The following LARP1 variants were observed in gnomAD, a reference collection of about 807,000 sequenced individuals.
LARP1 encodes La ribonucleoprotein 1, translational regulator.
LARP1 carries 36 observed loss-of-function variants against 122.7 expected under a neutral mutation model. The ratio of observed to expected loss-of-function variants is 0.29; its 90% confidence interval spans 0.22 to 0.39. The LOEUF (loss-of-function observed/expected upper bound fraction) is 0.39, where lower values mean the gene tolerates loss of function less well. Ranked by LOEUF, LARP1 falls within the 10% of genes least tolerant of loss-of-function variation. The pLI is 1.00. For missense variants in LARP1, 1,040 were observed against 1,403.6 expected (o/e 0.74, Z 4.14); for synonymous variants, 539 against 528.7 (o/e 1.02, Z -0.27).
intron 1 of LARP1, among the ~76,000 whole-genome samples, chr5:154,774,882 G>A (rs1187856369): frequency 1.3e-5 from 2 of 152,192 alleles, no homozygotes; most frequent in East Asian, 1.9e-4. Flanking sequence ...CACCAGGGGG[G>A]ATCACAGTGC....
intron 10 of LARP1, 65 bp downstream of exon 10, chr5:154,800,107 ACACATGGG>A: frequency 7.0e-7 from 1 of 1,422,128 alleles, no homozygotes; most frequent in South Asian, 1.3e-5. Flanking sequence ...GAAGGGGATA[ACACATGGG>A]CACAGCACTC....
chr5:154,733,666 T>C (rs191106920), intron 1 of LARP1, among the ~76,000 whole-genome samples: 6 of 151,858 alleles, frequency 4.0e-5, no homozygotes, highest in African/African-American at 7.3e-5. Flanking sequence ...AGGTTCAAGC[T>C]ATTCTCCTGC....
At position 154,775,294 on chromosome 5, in the gene LARP1, C is replaced by T. The variant is rs78864140; in HGVS notation, c.437-15031C>T. Among the ~76,000 whole-genome samples the T allele has an allele frequency of 6.3e-3, 962 of 152,030 alleles. 9 individuals are homozygous for T. The highest frequency in any genetic ancestry group is 0.022 in the African/African-American group (898 of 41,450). ...CAGCCTGGGTAACAGAGTGAGACCT[C>T]GTATCTAAAAAACGTAAGTGAATAA... On this transcript the variant is annotated intron_variant, in intron 1 of 18. Transcript: ENST00000518297.
Position 154,811,595 on chromosome 5 carries a change from A to G in LARP1, c.3036A>G (p.Gln1012=). The G allele has an allele frequency of 6.2e-7, 1 of 1,614,268 alleles. No individual in the cohort carries two copies. Among genetic ancestry groups the G allele is most frequent in the African/African-American group, 1.3e-5 (1 of 75,078 alleles). Residue 1012 remains glutamine, a synonymous_variant, in exon 18 of 19, where the codon CAA becomes CAG. Coordinates refer to ENST00000518297, the MANE Select transcript of LARP1 (RefSeq NM_033551.3). ...ATTTGGACATTGACCCCAAACTGCAAGAATACCTCGGCAAATTCCGACGTC... is the reference window on the plus strand; with the variant it reads ...ATTTGGACATTGACCCCAAACTGCAGGAATACCTCGGCAAATTCCGACGTC... ...AKNLDIDPKL[Q]EYLGKFRRLE...
intron 1 of LARP1, among the ~76,000 whole-genome samples, chr5:154,700,655 G>A (rs375571348): frequency 1.2e-4 from 19 of 152,020 alleles, no homozygotes; most frequent in East Asian, 7.8e-4. Flanking sequence ...ACAGGGTCTC[G>A]CTCTATCACC....
chr5:154,684,254 G>C (rs1281582235), intron 1 of LARP1, among the ~76,000 whole-genome samples: 1 of 152,004 alleles, frequency 6.6e-6, no homozygotes, highest in African/African-American at 2.4e-5. Context: ...GACCAGCCTG[G>C]GCAACATGGT....
At chr5:154,727,697 T>C (rs1219373015) in intron 1 of LARP1, among the ~76,000 whole-genome samples, 3 of 152,222 alleles carry the variant, frequency 2.0e-5, no homozygotes, top group African/African-American at 7.2e-5. Context: ...TTAGCAAGAT[T>C]TAATTATTCC....
chr5:154,712,747 G>T (rs1325223774), upstream of LARP1, among the ~76,000 whole-genome samples: 1 of 152,108 alleles, frequency 6.6e-6, no homozygotes, highest in Admixed American at 6.5e-5. Context: ...GTAAAGAGGT[G>T]GGGTAGCCTT....
intron 1 of LARP1, among the ~76,000 whole-genome samples, chr5:154,781,405 A>G (rs922631143): frequency 6.6e-6 from 1 of 152,168 alleles, no homozygotes; most frequent in Non-Finnish European, 1.5e-5. Flanking sequence ...ATCCTGGCTA[A>G]TATGGTGAAA....
chr5:154,781,183 G>T (rs918052148), intron 1 of LARP1, among the ~76,000 whole-genome samples: 8 of 152,218 alleles, frequency 5.3e-5, no homozygotes, highest in Non-Finnish European at 1.0e-4. Context: ...TCAGGTGTGC[G>T]TGTAGTTGTG....
chr5:154,780,219 T>C (rs75662744), intron 1 of LARP1, among the ~76,000 whole-genome samples: 3,783 of 152,218 alleles, frequency 0.025, 149 homozygotes, highest in African/African-American at 0.084. Context: ...GAAAAAGATC[T>C]CCAGGGCCCA....
intron 18 of LARP1, 41 bp from the exon 19 acceptor site, chr5:154,813,846 A>T: frequency 6.4e-7 from 1 of 1,563,830 alleles, no homozygotes; most frequent in East Asian, 2.3e-5. Flanking sequence ...GAGGGCGTAG[A>T]TAGTGCTTCT....
At chr5:154,752,841 A>G (rs545130323), upstream of LARP1, among the ~76,000 whole-genome samples, 3 of 152,066 alleles carry the variant, frequency 2.0e-5, no homozygotes, top group South Asian at 6.2e-4. Flanking sequence ...CAGGAGGCTG[A>G]GGCAGAAGAA....
At chr5:154,741,718 T>G (rs998736236) in intron 1 of LARP1, among the ~76,000 whole-genome samples, 1 of 151,996 alleles carries the variant, frequency 6.6e-6, no homozygotes, top group Admixed American at 6.6e-5. Context: ...TGGAGGTAAA[T>G]GGGTTCTGGA....
chr5:154,785,747 G>T (rs1413845293), intron 1 of LARP1, among the ~76,000 whole-genome samples: 1 of 152,064 alleles, frequency 6.6e-6, no homozygotes, highest in African/African-American at 2.4e-5. Flanking sequence ...ATTCGAGGTC[G>T]TGTGGTCATT....
chr5:154,792,761 A>T lies in LARP1; in HGVS notation c.704A>T (p.Asp235Val). 3 of 1,614,146 alleles carry T rather than the reference A, an allele frequency of 1.9e-6. No homozygotes were observed. In the Middle Eastern group the frequency reaches 4.9e-4, roughly 266 times the overall value. The change falls in exon 4 of 19, where the codon GAT (aspartate) becomes GTT (valine). Residue 235 changes from aspartate (D) to valine (V), a missense_variant. Asp to Val is a radical substitution (Grantham distance 152). Coordinates refer to ENST00000518297, the MANE Select transcript of LARP1 (RefSeq NM_033551.3). Reference sequence around the variant, plus strand: ...GAATCAGGGGAGGAAAAGAATGGAGATGAGGATTGCCAGCGAGGCGGGCAG... The same window carrying T: ...GAATCAGGGGAGGAAAAGAATGGAGTTGAGGATTGCCAGCGAGGCGGGCAG... ...SDESGEEKNG[D>V]EDCQRGGQKK...
At position 154,804,281 on chromosome 5, in the gene LARP1, G is replaced by A. The variant is rs957933005; in HGVS notation, c.2520G>A (p.Glu840=). ...TGGGCTGGGTGATGGATTCCCGTGA[G>A]CACAGGCCCCGTACTGCTTCCATCA... ...SHVGWVMDSR[E]HRPRTASISS... is the part of the protein sequence containing the mutation. Residue 840 remains glutamate, a synonymous_variant, in exon 14 of 19, where the codon GAG becomes GAA. Transcript: ENST00000518297. 10 of 1,613,994 alleles carry A rather than the reference G, an allele frequency of 6.2e-6. No homozygotes were observed. The Admixed American group carries it at 1.2e-4, about 19-fold the overall frequency.
At chr5:154,715,866 G>C (rs1392309222) in intron 1 of LARP1, among the ~76,000 whole-genome samples, 1 of 152,162 alleles carries the variant, frequency 6.6e-6, no homozygotes, top group African/African-American at 2.4e-5. Flanking sequence ...TAGATGTTTT[G>C]AAGTCATTAC....
At position 154,756,185 on chromosome 5, in the gene LARP1, C is replaced by T. The variant is rs1393356423; in HGVS notation, c.428C>T (p.Ser143Phe). 1 of 1,298,438 alleles carries T rather than the reference C, an allele frequency of 7.7e-7. No individual in the cohort carries two copies. The highest frequency in any genetic ancestry group is 1.0e-6 in the Non-Finnish European group (1 of 989,684). The allele number at this position is 1,298,438 out of a possible 1,614,324, so 80.4% of individuals were successfully genotyped here. A position where few individuals can be genotyped will look rare whatever the true frequency, so the allele number is the denominator to read the frequency against. Residue 143 changes from serine to phenylalanine, a missense_variant, in exon 1 of 19, where the codon TCC becomes TTC. Coordinates refer to ENST00000518297, the MANE Select transcript of LARP1 (RefSeq NM_033551.3). ...GTCCTGACCACCGTGAACGGACAGT[C>T]CCCCCCAGGTGGGTCTCCCTCCTTG... The part of the protein sequence containing the change: ...PPVLTTVNGQ[S>F]PPEHSAPAKV...
Sources: gnomAD v4.1 joint callset for allele counts (sites outside exome capture counted in the v4.1 genomes callset) on GRCh38, gnomAD v4.1.1 for gene constraint, MANE v1.5 for transcripts, NCBI Gene and HGNC (gene_info 2026-07-23, HGNC 2026-07-21) for gene names.